The following TMCO4 variants were observed in gnomAD, a reference collection of about 807,000 sequenced individuals.
The protein encoded by TMCO4 is transmembrane and coiled-coil domains 4.
TMCO4 carries 58 observed loss-of-function variants against 64.7 expected under a neutral mutation model. That is an observed-to-expected ratio of 0.90 (90% confidence interval 0.73 to 1.12). The LOEUF is 1.12. Ranked by LOEUF, TMCO4 falls within the 50% of genes most tolerant of loss-of-function variation. The pLI is 0.00. For synonymous variants in TMCO4, 325 were observed against 346.1 expected, an observed-to-expected ratio of 0.94 and a Z score of 0.68; for missense variants, 780 against 825.9, an observed-to-expected ratio of 0.94 and a Z score of 0.68.
At chr1:19,700,136 C>G (rs542284250) in intron 14 of TMCO4, among the ~76,000 whole-genome samples, 7 of 152,274 alleles carry the variant, frequency 4.6e-5, no homozygotes, top group Admixed American at 2.0e-4. Flanking sequence ...GTCTGAGTCA[C>G]AGCTTTGGCT....
chr1:19,753,086 T>G (rs1295470940), intron 7 of TMCO4, among the ~76,000 whole-genome samples: 1 of 151,820 alleles, frequency 6.6e-6, no homozygotes, highest in Non-Finnish European at 1.5e-5. Flanking sequence ...CAGCCTCCCA[T>G]GTAGCTGGGA....
rs1313395966 is a variant in TMCO4, at chr1:19,734,079, T to C, written c.1264+3293A>G. Among the ~76,000 whole-genome samples, 2 of 152,298 alleles carry C rather than the reference T, an allele frequency of 1.3e-5. No homozygotes were observed. The highest frequency in any genetic ancestry group is 3.9e-4 in the East Asian group (2 of 5,188). ...ACTACTACTATTATCATCATTATTA[T>C]TGGAGGGAAAGCTTCCAGACACAGT... On this transcript the variant is annotated intron_variant, in intron 13 of 15. Coordinates refer to ENST00000294543, the MANE Select transcript of TMCO4 (RefSeq NM_181719.7). The surrounding 1 kb of genome is among the most constrained non-coding windows in gnomAD (Gnocchi z 4.4).
intron 10 of TMCO4, among the ~76,000 whole-genome samples, chr1:19,742,638 T>G (rs992702447): frequency 6.6e-6 from 1 of 152,160 alleles, no homozygotes; most frequent in African/African-American, 2.4e-5. Context: ...ACAGGCTTGA[T>G]GTCAGCCTGG....
At chr1:19,758,100 T>A (rs1329800798) in intron 6 of TMCO4, among the ~76,000 whole-genome samples, 1 of 152,232 alleles carries the variant, frequency 6.6e-6, no homozygotes, top group Non-Finnish European at 1.5e-5. Flanking sequence ...CCTGGCCTCA[T>A]GTTTCCATGT....
chr1:19,743,179 C>T lies in TMCO4; in HGVS notation c.878-2238G>A, dbSNP rs36123805. 0.032 allele frequency among the ~76,000 whole-genome samples: 4,812 copies of T among 152,268 alleles called. 111 individuals carry two copies. Among genetic ancestry groups the T allele is most frequent in the Middle Eastern group, 0.068 (20 of 294 alleles). On this transcript the variant is annotated intron_variant, in intron 10 of 15. Transcript: ENST00000294543. The surrounding 1 kb of genome is among the most constrained non-coding windows in gnomAD (Gnocchi z 4.1). ...AGAATGGGGGTGAATCCTGCCCCTGCCCCTGACTAGCTGGGTGACCCTGGG... is the reference window on the plus strand; with the variant it reads ...AGAATGGGGGTGAATCCTGCCCCTGTCCCTGACTAGCTGGGTGACCCTGGG...
intron 13 of TMCO4, among the ~76,000 whole-genome samples, chr1:19,712,905 G>C (rs927857344): frequency 6.6e-6 from 1 of 152,174 alleles, no homozygotes; most frequent in African/African-American, 2.4e-5. Flanking sequence ...AGGCATGGCT[G>C]ATCCCACTGG....
At chr1:19,756,765 G>T (rs1394829995) in intron 6 of TMCO4, among the ~76,000 whole-genome samples, 1 of 152,160 alleles carries the variant, frequency 6.6e-6, no homozygotes, top group Non-Finnish European at 1.5e-5. Flanking sequence ...GCTGATGGGG[G>T]AGGATCACTT....
chr1:19,764,910 C>T (rs2042668600), intron 6 of TMCO4, among the ~76,000 whole-genome samples: 1 of 148,970 alleles, frequency 6.7e-6, no homozygotes, highest in South Asian at 2.1e-4. Context: ...ACAATATTTG[C>T]ATTTTACCAC....
intron 13 of TMCO4, among the ~76,000 whole-genome samples, chr1:19,707,362 C>T (rs1316677662): frequency 1.3e-5 from 2 of 152,336 alleles, no homozygotes; most frequent in Non-Finnish European, 2.9e-5. Context: ...GTGGCTCACA[C>T]CTGTATTCCC....
At chr1:19,694,044 T>C (rs1883568) in intron 15 of TMCO4, among the ~76,000 whole-genome samples, 111,976 of 152,068 alleles carry the variant, frequency 0.74, 42,050 homozygotes, top group Non-Finnish European at 0.82. Context: ...CTCTGATGCC[T>C]AGGCTGCAAT....
chr1:19,690,801 C>T (rs2095186721), intron 15 of TMCO4, among the ~76,000 whole-genome samples: 1 of 151,134 alleles, frequency 6.6e-6, no homozygotes, highest in Non-Finnish European at 1.5e-5. Flanking sequence ...TCTGGGGATG[C>T]TTAATACCTC....
intron 13 of TMCO4, among the ~76,000 whole-genome samples, chr1:19,709,741 A>G (rs1443501290): frequency 6.6e-6 from 1 of 150,976 alleles, no homozygotes; most frequent in African/African-American, 2.4e-5. Flanking sequence ...TTTTTTGTAT[A>G]AAAACAAACA....
At chr1:19,717,899 G>A (rs982190496) in intron 13 of TMCO4, among the ~76,000 whole-genome samples, 5 of 152,106 alleles carry the variant, frequency 3.3e-5, no homozygotes, top group African/African-American at 4.8e-5. Context: ...CAAGCTTGTC[G>A]GAAAAGGCAG....
Position 19,732,645 on chromosome 1 carries a change from C to T in TMCO4, c.1264+4727G>A, listed in dbSNP as rs2095434986. 6.6e-6 allele frequency among the ~76,000 whole-genome samples: 1 copy of T among 151,986 alleles called. No individual in the cohort carries two copies. Among genetic ancestry groups the T allele is most frequent in the Non-Finnish European group, 1.5e-5 (1 of 67,982 alleles). Reference sequence around the variant, plus strand: ...GTGGCTCATGCCTGTAACCCCAGTGCTGTGGGAAGCTGAGGCAGGAGGATT... The same window carrying T: ...GTGGCTCATGCCTGTAACCCCAGTGTTGTGGGAAGCTGAGGCAGGAGGATT... On this transcript the variant is annotated intron_variant, in intron 13 of 15. Coordinates refer to ENST00000294543, the MANE Select transcript of TMCO4 (RefSeq NM_181719.7). The surrounding 1 kb of genome is among the most constrained non-coding windows in gnomAD (Gnocchi z 4.8).
intron 13 of TMCO4, among the ~76,000 whole-genome samples, chr1:19,720,103 C>A (rs2095375686): frequency 6.9e-6 from 1 of 145,768 alleles, no homozygotes; most frequent in Non-Finnish European, 1.5e-5. Flanking sequence ...CCTGCCTTGG[C>A]CTCCCAAGGC....
At chr1:19,709,986 G>A (rs936164571) in intron 13 of TMCO4, among the ~76,000 whole-genome samples, 6 of 151,806 alleles carry the variant, frequency 4.0e-5, no homozygotes, top group Non-Finnish European at 8.8e-5. Context: ...TCTCCATGTT[G>A]GTCAGGCTGG....
chr1:19,771,115 C>A (rs61768329), intron 5 of TMCO4, among the ~76,000 whole-genome samples, 193 bp downstream of exon 5: 14,805 of 152,016 alleles, frequency 0.097, 857 homozygotes, highest in Non-Finnish European at 0.13. Context: ...AAGGAACCAG[C>A]ACGTAATCAG....
At chr1:19,758,634 T>G (rs1190008957) in intron 6 of TMCO4, among the ~76,000 whole-genome samples, 4 of 152,102 alleles carry the variant, frequency 2.6e-5, no homozygotes, top group Admixed American at 6.5e-5. Flanking sequence ...GGGTTCGTAG[T>G]TTAAGGCATG....
At chr1:19,770,718 G>C (rs942874490) in intron 5 of TMCO4, 149 bp from the exon 6 acceptor site, 5 of 737,716 alleles carry the variant, frequency 6.8e-6, no homozygotes, top group Middle Eastern at 2.5e-4. Context: ...ATGATAAACA[G>C]GCAAGCGAAG....
Sources: allele counts gnomAD v4.1 joint callset (sites outside exome capture counted in the v4.1 genomes callset), GRCh38; gene constraint gnomAD v4.1.1; non-coding constraint Gnocchi (gnomAD v3.1); transcripts MANE v1.5; gene names NCBI Gene and HGNC (gene_info 2026-07-23, HGNC 2026-07-21).